Variants in CALCRL observed in about 807,000 individuals in gnomAD.
The protein encoded by CALCRL is calcitonin gene-related peptide type 1 receptor.
A neutral mutation model predicts 60.4 loss-of-function variants in CALCRL; 27 were observed. The ratio of observed to expected loss-of-function variants is 0.45; its 90% confidence interval spans 0.33 to 0.62. The LOEUF (loss-of-function observed/expected upper bound fraction) is 0.62, where lower values mean the gene tolerates loss of function less well. Ranked by LOEUF, CALCRL falls within the 20% of genes least tolerant of loss-of-function variation. The pLI is 0.03. For synonymous variants in CALCRL, 190 were observed against 182.6 expected, an observed-to-expected ratio of 1.04 and a Z score of -0.33; for missense variants, 424 against 540.7, an observed-to-expected ratio of 0.78 and a Z score of 2.14.
intron 1 of CALCRL, among the ~76,000 whole-genome samples, chr2:187,424,447 C>A (rs62172376): frequency 0.33 from 50,330 of 151,516 alleles, 8,605 homozygotes; most frequent in African/African-American, 0.4. Flanking sequence ...AAATACTTTA[C>A]ATAGAAATGT....
At chr2:187,364,507 A>T (rs193297142) in intron 8 of CALCRL, among the ~76,000 whole-genome samples, 71 of 152,120 alleles carry the variant, frequency 4.7e-4, no homozygotes, top group Middle Eastern at 3.4e-3. Context: ...TGGTCAACCT[A>T]TATAATCCAC....
At chr2:187,374,192 G>GAAAT (rs1687648470) in intron 8 of CALCRL, among the ~76,000 whole-genome samples, 1 of 151,616 alleles carries the variant, frequency 6.6e-6, no homozygotes, top group Non-Finnish European at 1.5e-5. Context: ...AAGAAAGAAA[G>GAAAT]AACACACTCT....
intron 1 of CALCRL, among the ~76,000 whole-genome samples, chr2:187,389,652 T>C (rs1173668839): frequency 6.6e-6 from 1 of 152,182 alleles, no homozygotes; most frequent in Non-Finnish European, 1.5e-5. Context: ...TACAAATGTT[T>C]GTTGTTTTTT....
intron 1 of CALCRL, among the ~76,000 whole-genome samples, chr2:187,446,264 TATC>T (rs1393091553): frequency 6.6e-6 from 1 of 151,714 alleles, no homozygotes; most frequent in African/African-American, 2.4e-5. Context: ...GATATTTTCT[TATC>T]ATTAAAGAAA....
chr2:187,401,160 G>A (rs779096781), intron 1 of CALCRL, among the ~76,000 whole-genome samples: 3 of 151,518 alleles, frequency 2.0e-5, no homozygotes, highest in Non-Finnish European at 4.4e-5. Flanking sequence ...GAAGTGTACG[G>A]GTATAGCTTA....
At chr2:187,424,194 A>T (rs1292015974) in intron 1 of CALCRL, among the ~76,000 whole-genome samples, 1 of 152,026 alleles carries the variant, frequency 6.6e-6, no homozygotes, top group Non-Finnish European at 1.5e-5. Flanking sequence ...TGGCAGGTCC[A>T]TTTGCCAGGC....
rs759906681 is a variant in CALCRL at position 187,352,182 on chromosome 2, A to G, written c.1060T>C (p.Trp354Arg). Residue 354 changes from tryptophan (W) to arginine (R), a missense_variant, in exon 13 of 15, where the codon TGG becomes CGG. Coordinates refer to ENST00000392370, the MANE Select transcript of CALCRL (RefSeq NM_005795.6). ...LLGIEFVLIP[W>R]RPEGKIAEEV... ...TCTGCAATCTTTCCTTCAGGTCGCC[A>G]TGGAATCAGCACAAATTCAATGCCA... The G allele has an allele frequency of 6.2e-7, 1 of 1,612,502 alleles. No homozygotes were observed. The highest frequency in any genetic ancestry group is 1.1e-5 in the South Asian group (1 of 91,060).
chr2:187,372,747 A>C (rs887516659), intron 8 of CALCRL, among the ~76,000 whole-genome samples: 1 of 152,182 alleles, frequency 6.6e-6, no homozygotes, highest in Non-Finnish European at 1.5e-5. Flanking sequence ...TAAGAAACAG[A>C]AAGGATCTGC....
At position 187,415,422 on chromosome 2, in the gene CALCRL, G is replaced by A. The variant is rs146170599; in HGVS notation, c.-292-27666C>T. On this transcript the variant is annotated intron_variant, in intron 1 of 14. Transcript: ENST00000392370. ...AAAATAAAACAAACAGATTTAAAAG[G>A]TGGCATGCTTGAAAAATATCAAGAC... The A allele has an allele frequency of 2.0e-4, 44 of 220,670 alleles. 2 individuals are homozygous for A. In the South Asian group the frequency reaches 5.4e-3, roughly 27 times the overall value. 13.7% of individuals were successfully genotyped at this position (220,670 alleles called of 1,614,324 possible).
chr2:187,407,793 A>G (rs548407111), intron 1 of CALCRL, among the ~76,000 whole-genome samples: 10 of 152,260 alleles, frequency 6.6e-5, no homozygotes, highest in Admixed American at 4.6e-4. Context: ...ATAGCACTAC[A>G]TTGAATATGA....
intron 4 of CALCRL, among the ~76,000 whole-genome samples, chr2:187,384,578 G>A (rs1041709488): frequency 1.1e-4 from 16 of 152,196 alleles, no homozygotes; most frequent in African/African-American, 3.4e-4. Context: ...TCTAAGAAGT[G>A]CAGGATTTGG....
At position 187,366,881 on chromosome 2, in the gene CALCRL, A is replaced by G. The variant is rs1574231435; in HGVS notation, c.501-3379T>C. Among the ~76,000 whole-genome samples the G allele has an allele frequency of 2.7e-5, 4 of 150,320 alleles. No homozygotes were observed. The South Asian group carries it at 8.5e-4, about 32-fold the overall frequency. ...GTACTTAAAAATGAGCTGCTGGTAT[A>G]TATTATCTTCCAAAAATGTCATTAT... On this transcript the variant is annotated intron_variant, in intron 8 of 14. Transcript: ENST00000392370.
chr2:187,356,346 A>C (rs868668972), intron 12 of CALCRL, among the ~76,000 whole-genome samples: 25 of 152,194 alleles, frequency 1.6e-4, no homozygotes, highest in African/African-American at 5.5e-4. Context: ...CTTAGAAATA[A>C]CACCACACTT....
At chr2:187,362,838 T>C (rs559582589) in intron 9 of CALCRL, among the ~76,000 whole-genome samples, 1 of 152,222 alleles carries the variant, frequency 6.6e-6, no homozygotes, top group East Asian at 1.9e-4. Context: ...AGTTTAATCT[T>C]ATGTAGGATA....
chr2:187,407,004 G>A (rs370105395), intron 1 of CALCRL, among the ~76,000 whole-genome samples: 197 of 151,372 alleles, frequency 1.3e-3, no homozygotes, highest in African/African-American at 4.6e-3. Flanking sequence ...CTTTAGTTTC[G>A]CTCCACCTTA....
intron 1 of CALCRL, among the ~76,000 whole-genome samples, chr2:187,410,358 T>C (rs1475061479): frequency 6.6e-6 from 1 of 151,752 alleles, no homozygotes; most frequent in Non-Finnish European, 1.5e-5. Context: ...AAGGCAGCAA[T>C]GGCAATCTGT....
chr2:187,391,903 ATATAT>A (rs1169290421), intron 1 of CALCRL, among the ~76,000 whole-genome samples: 1 of 152,120 alleles, frequency 6.6e-6, no homozygotes, highest in Non-Finnish European at 1.5e-5. Context: ...TAATTTCTTA[ATATAT>A]TATACATCTA....
chr2:187,436,903 C>A (rs948160977), intron 1 of CALCRL, among the ~76,000 whole-genome samples: 1 of 151,946 alleles, frequency 6.6e-6, no homozygotes, highest in African/African-American at 2.4e-5. Flanking sequence ...TTTAAGGTTT[C>A]TCTTACTTTC....
rs760726915 is a variant in CALCRL at position 187,352,634 on chromosome 2, TAAA to T, written c.910-305_910-303del. Reference sequence around the variant, plus strand: ...TTCTCAGCTCATTTTCACGTGCAATTAAAAAAATCTGTGGTCTAAAAACTAAAG... The same window carrying T: ...TTCTCAGCTCATTTTCACGTGCAATTAAAATCTGTGGTCTAAAAACTAAAG... On this transcript the variant is annotated intron_variant, in intron 12 of 14. Coordinates refer to ENST00000392370, the MANE Select transcript of CALCRL (RefSeq NM_005795.6). Among the ~76,000 whole-genome samples, 22 of 151,920 alleles carry T rather than the reference TAAA, an allele frequency of 1.4e-4. 1 individual carries two copies. The East Asian group carries it at 3.7e-3, about 25-fold the overall frequency.
Sources: allele counts gnomAD v4.1 joint callset (sites outside exome capture counted in the v4.1 genomes callset), GRCh38; gene constraint gnomAD v4.1.1; transcripts MANE v1.5; gene names NCBI Gene and HGNC (gene_info 2026-07-23, HGNC 2026-07-21).